Variants in NARS1 observed in about 807,000 individuals in gnomAD.
NARS1 encodes asparaginyl-tRNA synthetase 1, also known as asparagine--tRNA ligase, cytoplasmic.
In NARS1, 65 loss-of-function variants were observed where a neutral mutation model predicts 79.2. The observed-to-expected ratio is 0.82, with a 90% CI of 0.67 to 1.01. The LOEUF is 1.01. Ranked by LOEUF, NARS1 falls within the 50% of genes least tolerant of loss-of-function variation. The probability of loss-of-function intolerance (pLI) is 0.00; values close to 1 mark genes in which losing one functional copy is unlikely to be tolerated. For missense variants in NARS1, 649 were observed against 673.8 expected, an observed-to-expected ratio of 0.96 and a Z score of 0.41; for synonymous variants, 229 against 238.8, an observed-to-expected ratio of 0.96 and a Z score of 0.38.
At chr18:57,621,612 A>T in intron 1 of NARS1, 96 bp downstream of exon 1, 1 of 685,196 alleles carries the variant, frequency 1.5e-6, no homozygotes, top group Non-Finnish European at 2.3e-6. Flanking sequence ...CGGGGCGCCC[A>T]CTCTGGTAGG....
chr18:57,618,075 G>A (rs1330545374), intron 2 of NARS1, among the ~76,000 whole-genome samples: 5 of 151,012 alleles, frequency 3.3e-5, no homozygotes, highest in Admixed American at 1.3e-4. Context: ...TCAAGAGTTC[G>A]AGACCAGCCT....
At chr18:57,612,553 A>G (rs2051613009) in intron 5 of NARS1, among the ~76,000 whole-genome samples, 1 of 151,980 alleles carries the variant, frequency 6.6e-6, no homozygotes, top group Non-Finnish European at 1.5e-5. Context: ...CTCCTGCCTC[A>G]GCCTCTAGAG....
chr18:57,606,564 T>G (rs567397709), intron 10 of NARS1, 52 bp downstream of exon 10: 119 of 1,569,154 alleles, frequency 7.6e-5, no homozygotes, highest in Admixed American at 1.7e-5. Context: ...AAGACTTCAT[T>G]GTCTTCCAAA....
At chr18:57,620,729 T>C (rs1908264668) in intron 1 of NARS1, 78 bp from the exon 2 acceptor site, 11 of 803,682 alleles carry the variant, frequency 1.4e-5, no homozygotes, top group Non-Finnish European at 2.3e-5. Flanking sequence ...ATTCCTTATC[T>C]TTGTAAACAG....
rs1034789626 is a variant in NARS1 at position 57,607,043 on chromosome 18, T to C, written c.1001+91A>G. On this transcript the variant is annotated intron_variant, in intron 9 of 13. Coordinates refer to ENST00000256854, the MANE Select transcript of NARS1 (RefSeq NM_004539.4). ...ACCACTTAATATATCAGTTGGTTTT[T>C]TTTAAAACATAAACATAATTTACCT... The C allele has an allele frequency of 8.7e-6, 12 of 1,375,680 alleles. No individual in the cohort carries two copies. The African/African-American group carries it at 1.5e-4, about 17-fold the overall frequency. 85.2% of individuals were successfully genotyped at this position (1,375,680 alleles called of 1,614,324 possible).
chr18:57,602,858 G>GA lies in NARS1; in HGVS notation c.1336dup (p.Ser446PhefsTer9). 1.2e-6 allele frequency: 2 copies of GA among 1,614,056 alleles called. No homozygotes were observed. Among genetic ancestry groups the GA allele is most frequent in the Non-Finnish European group, 1.7e-6 (2 of 1,179,948 alleles). On this transcript the variant is annotated frameshift_variant, in exon 12 of 14. Transcript: ENST00000256854. LOFTEE classifies it high-confidence loss of function. ...CTCAGGACATCGCTGCATGTAGAAG[G>GA]ACTTGATCTCCACAGGAAATCGACA... is the stretch of plus-strand genomic sequence containing the variant.
In NARS1 at chr18:57,614,617, T is replaced by C. The variant is rs550627135; in HGVS notation, c.343-937A>G. Among the ~76,000 whole-genome samples the C allele has an allele frequency of 1.2e-4, 18 of 152,300 alleles. No homozygotes were observed. In the East Asian group the frequency reaches 3.1e-3, roughly 26 times the overall value. On this transcript the variant is annotated intron_variant, in intron 4 of 13. Coordinates refer to ENST00000256854, the MANE Select transcript of NARS1 (RefSeq NM_004539.4). The stretch of plus-strand genomic sequence containing the variant: ...GAACAGAAGAAGAGTGAATCTAATT[T>C]CACAATTCACAAACTTTTACTCTAT...
At position 57,605,940 on chromosome 18, in the gene NARS1, G is replaced by T. The variant is rs778072065; in HGVS notation, c.1168C>A (p.Arg390=). The change falls in exon 11 of 14, where the codon CGG becomes AGG. Residue 390 remains arginine, a synonymous_variant. Coordinates refer to ENST00000256854, the MANE Select transcript of NARS1 (RefSeq NM_004539.4). The stretch of plus-strand genomic sequence containing the variant: ...ACGATAGCATCTGAATAGTTCATCC[G>T]TTTGAAAGGCCGTTTGGGGGGCTGA... ...NFQPPKRPFK[R]MNYSDAIVWL... 1 of 1,613,320 alleles carries T rather than the reference G, an allele frequency of 6.2e-7. No homozygotes were observed. The highest frequency in any genetic ancestry group is 8.5e-7 in the Non-Finnish European group (1 of 1,179,642).
rs763647045 is a variant in NARS1 at position 57,602,465 on chromosome 18, C to T, written c.1405G>A (p.Val469Ile). 1 of 1,613,858 alleles carries T rather than the reference C, an allele frequency of 6.2e-7. No homozygotes were observed. The highest frequency in any genetic ancestry group is 8.5e-7 in the Non-Finnish European group (1 of 1,179,822). ...TESVDVLMPN[V>I]GEIVGGSMRI... ...ATTGAGCCTCCCACAATCTCACCAA[C>T]ATTGGGCATCAACACGTCGACCTTT... The change falls in exon 13 of 14, where the codon GTT becomes ATT. Residue 469 changes from valine (V) to isoleucine (I), a missense_variant. Coordinates refer to ENST00000256854, the MANE Select transcript of NARS1 (RefSeq NM_004539.4).
chr18:57,617,263 G>A (rs1455740440), intron 2 of NARS1, among the ~76,000 whole-genome samples: 2 of 152,040 alleles, frequency 1.3e-5, no homozygotes, highest in African/African-American at 4.8e-5. Context: ...TCAGTTCTAC[G>A]ACTGCTGCAG....
At chr18:57,614,665 A>G (rs1188321249) in intron 4 of NARS1, among the ~76,000 whole-genome samples, 4 of 152,252 alleles carry the variant, frequency 2.6e-5, no homozygotes, top group Non-Finnish European at 4.4e-5. Context: ...TGAAAATCAT[A>G]GATTTCAACC....
chr18:57,617,338 C>T (rs1251829022), intron 2 of NARS1, among the ~76,000 whole-genome samples: 3 of 151,680 alleles, frequency 2.0e-5, no homozygotes, highest in South Asian at 2.1e-4. Flanking sequence ...TTTGTGAGGC[C>T]GAGGTGGGCG....
At chr18:57,615,184 A>C (rs1194086957) in intron 4 of NARS1, among the ~76,000 whole-genome samples, 1 of 150,230 alleles carries the variant, frequency 6.7e-6, no homozygotes, top group African/African-American at 2.5e-5. Flanking sequence ...AATAAATTAA[A>C]ATTTAAAATT....
intron 1 of NARS1, among the ~76,000 whole-genome samples, 187 bp from the exon 2 acceptor site, chr18:57,620,838 G>C (rs142445111): frequency 4.3e-4 from 66 of 152,232 alleles, no homozygotes; most frequent in African/African-American, 1.6e-3. Flanking sequence ...AAAAACATTA[G>C]TTAATAATCC....
Position 57,604,310 on chromosome 18 carries a change from C to A in NARS1, c.1252-1367G>T, listed in dbSNP as rs543394974. ...GGCTCATGCCTATAATCTCAACACT[C>A]GGGAGGCCGAGGTGAGAGGACTGCT... On this transcript the variant is annotated intron_variant, in intron 11 of 13. Coordinates refer to ENST00000256854, the MANE Select transcript of NARS1 (RefSeq NM_004539.4). 1.9e-4 allele frequency among the ~76,000 whole-genome samples: 29 copies of A among 152,068 alleles called. No individual in the cohort carries two copies. In the South Asian group the frequency reaches 6.0e-3, roughly 32 times the overall value.
chr18:57,604,662 G>A (rs2051539031), intron 11 of NARS1, among the ~76,000 whole-genome samples: 1 of 151,808 alleles, frequency 6.6e-6, no homozygotes, highest in African/African-American at 2.4e-5. Context: ...AGCTGGGGTG[G>A]GAGGACTGCT....
chr18:57,609,267 T>C, intron 7 of NARS1, 90 bp downstream of exon 7: 1 of 1,056,468 alleles, frequency 9.5e-7, no homozygotes, highest in South Asian at 1.3e-5. Flanking sequence ...AGAACCCTAA[T>C]ACATATGCCA....
intron 5 of NARS1, among the ~76,000 whole-genome samples, chr18:57,612,909 C>T (rs1362532464): frequency 1.3e-5 from 2 of 152,182 alleles, no homozygotes; most frequent in East Asian, 1.9e-4. Context: ...AAGTTTCAGA[C>T]TCAGATGTCA....
In NARS1 at chr18:57,601,400, A is replaced by G. The variant is rs1461656004; in HGVS notation, c.*252T>C. On this transcript the variant is annotated 3_prime_UTR_variant, in exon 14 of 14. Coordinates refer to ENST00000256854, the MANE Select transcript of NARS1 (RefSeq NM_004539.4). ...AATGCTGAAATGTATCCCTAACTAC[A>G]GTTTCATGCCAGGTATTTTCCCCGA... 3.0e-6 allele frequency: 1 copy of G among 335,936 alleles called. No individual in the cohort carries two copies. The highest frequency in any genetic ancestry group is 5.0e-5 in the East Asian group (1 of 19,868). The allele number at this position is 335,936 out of a possible 1,614,324, so 20.8% of individuals were successfully genotyped here. A position where few individuals can be genotyped will look rare whatever the true frequency, so the allele number is the denominator to read the frequency against.
Sources: allele counts gnomAD v4.1 joint callset (sites outside exome capture counted in the v4.1 genomes callset), GRCh38; gene constraint gnomAD v4.1.1; transcripts MANE v1.5; gene names NCBI Gene and HGNC (gene_info 2026-07-23, HGNC 2026-07-21).